PSEN1: variants seen among roughly 807,000 people sequenced by gnomAD.
The protein encoded by PSEN1 is presenilin-1.
PSEN1 carries 15 observed loss-of-function variants against 53.5 expected under a neutral mutation model. The ratio of observed to expected loss-of-function variants is 0.28; its 90% CI spans 0.19 to 0.43. The LOEUF is 0.43. PSEN1 is among the 20% of genes least tolerant of loss of function. The probability of loss-of-function intolerance (pLI) is 1.00; values close to 1 mark genes in which losing one functional copy is unlikely to be tolerated. For missense variants in PSEN1, 387 were observed against 571.2 expected, an observed-to-expected ratio of 0.68 and a Z score of 3.29; for synonymous variants, 208 against 209.8, an observed-to-expected ratio of 0.99 and a Z score of 0.08.
At chr14:73,157,199 C>T (rs1364802658) in intron 3 of PSEN1, among the ~76,000 whole-genome samples, 2 of 151,454 alleles carry the variant, frequency 1.3e-5, no homozygotes, top group Non-Finnish European at 2.9e-5. Flanking sequence ...GATCTTGGCT[C>T]ACTGCAACGT....
At chr14:73,198,463 C>T (rs1466740742) in intron 8 of PSEN1, among the ~76,000 whole-genome samples, 2 of 152,144 alleles carry the variant, frequency 1.3e-5, no homozygotes, top group Non-Finnish European at 2.9e-5. Flanking sequence ...TATTCGGTGA[C>T]CACTGGGGAA....
rs1882664997 is a variant in PSEN1, at chr14:73,222,939, CA to C, written c.*3651del. The C allele has an allele frequency of 6.6e-6, 1 of 152,222 alleles. No individual in the cohort carries two copies. The highest frequency in any genetic ancestry group is 1.5e-5 in the Non-Finnish European group (1 of 68,036). The allele number at this position is 152,222 out of a possible 1,614,324, so 9.4% of individuals were successfully genotyped here. On this transcript the variant is annotated 3_prime_UTR_variant, in exon 12 of 12. Coordinates refer to ENST00000324501, the MANE Select transcript of PSEN1 (RefSeq NM_000021.4). The stretch of plus-strand genomic sequence containing the variant: ...TTTGGAAGGAGACGTGAAAATTGGA[CA>C]TTTGGTTTTGCCCTTGGGCTGGAAA...
intron 5 of PSEN1, among the ~76,000 whole-genome samples, chr14:73,184,497 G>A (rs1898387284): frequency 8.2e-6 from 1 of 121,924 alleles, no homozygotes. Context: ...TCCCGGACGG[G>A]GCGGCTGGCC....
At chr14:73,211,634 A>T in intron 9 of PSEN1, 135 bp from the exon 10 acceptor site, 1 of 855,546 alleles carries the variant, frequency 1.2e-6, no homozygotes, top group Non-Finnish European at 1.9e-6. Flanking sequence ...ACCAGCAGGC[A>T]CTGCTACAGC....
intron 10 of PSEN1, among the ~76,000 whole-genome samples, chr14:73,213,581 A>G (rs1458764451): frequency 6.6e-6 from 1 of 152,218 alleles, no homozygotes. Context: ...ACTTGTGGGT[A>G]CTTACCAAAA....
intron 3 of PSEN1, among the ~76,000 whole-genome samples, chr14:73,165,705 A>G (rs1319776182): frequency 6.9e-6 from 1 of 144,272 alleles, no homozygotes; most frequent in Non-Finnish European, 1.5e-5. Context: ...CCGAGATCGC[A>G]CCATTGCACT....
chr14:73,186,873 T>G lies in PSEN1; in HGVS notation c.501T>G (p.Ile167Met). The G allele has an allele frequency of 6.2e-7, 1 of 1,613,460 alleles. No homozygotes were observed. The highest frequency in any genetic ancestry group is 2.2e-5 in the East Asian group (1 of 44,876). ...RCYKVIHAWL[I>M]ISSLLLLFFF... ...TCTAGGTCATCCATGCCTGGCTTATTATATCATCTCTATTGTTGCTGTTCT... is the reference window on the plus strand; with the variant it reads ...TCTAGGTCATCCATGCCTGGCTTATGATATCATCTCTATTGTTGCTGTTCT... Residue 167 changes from isoleucine (I) to methionine (M), a missense_variant, in exon 6 of 12, where the codon ATT becomes ATG. Physicochemically the swap from Ile to Met is conservative, Grantham distance 10 (BLOSUM62 1). This residue lies in a region of PSEN1 where 169 missense variants were observed against 299.7 expected (regional missense o/e 0.56). Transcript: ENST00000324501.
At position 73,184,665 on chromosome 14, in the gene PSEN1, C is replaced by CCGGACGGAGCG. The variant is rs1273514159; in HGVS notation, c.481-2187_481-2177dup. ...GGGGGCTGACCCCCCCACCTCCCTC[C>CCGGACGGAGCG]CGGACGGAGCGGCTGGCGGGGCGGG... On this transcript the variant is annotated intron_variant, in intron 5 of 11. Coordinates refer to ENST00000324501, the MANE Select transcript of PSEN1 (RefSeq NM_000021.4). Among the ~76,000 whole-genome samples, 4 of 149,270 alleles carry CCGGACGGAGCG rather than the reference C, an allele frequency of 2.7e-5. No homozygotes were observed. The East Asian group carries it at 8.3e-4, about 31-fold the overall frequency.
intron 3 of PSEN1, among the ~76,000 whole-genome samples, chr14:73,159,432 C>T (rs1384446758): frequency 6.6e-6 from 1 of 151,996 alleles, no homozygotes; most frequent in East Asian, 1.9e-4. Context: ...GAGTTTTTTC[C>T]TGCATTTTCT....
At chr14:73,193,944 A>T (rs1008732262) in intron 7 of PSEN1, among the ~76,000 whole-genome samples, 1 of 152,176 alleles carries the variant, frequency 6.6e-6, no homozygotes, top group Non-Finnish European at 1.5e-5. Context: ...GGTGTGAGCC[A>T]CTGCATCTGG....
chr14:73,161,892 C>T (rs561642378), intron 3 of PSEN1, among the ~76,000 whole-genome samples: 4 of 151,388 alleles, frequency 2.6e-5, no homozygotes, highest in African/African-American at 9.7e-5. Flanking sequence ...CAGTGGCTCA[C>T]GCCTGTAATC....
At chr14:73,154,454 A>G (rs185909059) in intron 3 of PSEN1, among the ~76,000 whole-genome samples, 2 of 150,786 alleles carry the variant, frequency 1.3e-5, no homozygotes, top group South Asian at 4.2e-4. Flanking sequence ...AGTGAAAATT[A>G]GTGGGGTGTG....
Position 73,189,036 on chromosome 14 carries a change from C to G in PSEN1, c.548+2116C>G, listed in dbSNP as rs76804037. ...AAACTCTTGACCTCAGGTGATCCACCTGCCTCCGCCTCCCAAAATGCTGGG... is the reference window on the plus strand; with the variant it reads ...AAACTCTTGACCTCAGGTGATCCACGTGCCTCCGCCTCCCAAAATGCTGGG... On this transcript the variant is annotated intron_variant, in intron 6 of 11. Coordinates refer to ENST00000324501, the MANE Select transcript of PSEN1 (RefSeq NM_000021.4). Among the ~76,000 whole-genome samples, 1,264 of 152,200 alleles carry G rather than the reference C, an allele frequency of 8.3e-3. 20 individuals carry two copies. The highest frequency in any genetic ancestry group is 0.029 in the African/African-American group (1,208 of 41,528).
chr14:73,202,418 C>CTATATATATATATATA (rs1248311168), intron 8 of PSEN1, among the ~76,000 whole-genome samples: 2 of 27,206 alleles, frequency 7.4e-5, no homozygotes, highest in Non-Finnish European at 5.9e-5. Context: ...CTATCACATA[C>CTATATATATATATATA]TATATATATA....
chr14:73,163,698 C>G (rs533269170), intron 3 of PSEN1, among the ~76,000 whole-genome samples: 38 of 152,192 alleles, frequency 2.5e-4, no homozygotes, highest in Admixed American at 7.2e-4. Flanking sequence ...AACTGAGTGA[C>G]AAGGAACAGT....
At chr14:73,148,533 G>T (rs1451166746) in intron 3 of PSEN1, among the ~76,000 whole-genome samples, 1 of 152,192 alleles carries the variant, frequency 6.6e-6, no homozygotes, top group Non-Finnish European at 1.5e-5. Flanking sequence ...TCAAAGGAGG[G>T]ATTCAGGAAA....
chr14:73,142,173 A>G (rs889389069), intron 1 of PSEN1, among the ~76,000 whole-genome samples: 127 of 152,244 alleles, frequency 8.3e-4, no homozygotes, highest in Non-Finnish European at 1.2e-4. Context: ...TGATCCTTTA[A>G]AAACTCAAGT....
At chr14:73,212,268 G>A (rs1447104274) in intron 10 of PSEN1, among the ~76,000 whole-genome samples, 5 of 151,378 alleles carry the variant, frequency 3.3e-5, no homozygotes, top group Non-Finnish European at 5.9e-5. Flanking sequence ...GCGCCACCAC[G>A]CCTGGATAAT....
At chr14:73,203,429 C>G (rs946533810) in intron 8 of PSEN1, among the ~76,000 whole-genome samples, 1 of 152,108 alleles carries the variant, frequency 6.6e-6, no homozygotes, top group Non-Finnish European at 1.5e-5. Flanking sequence ...TTTTTTCTTA[C>G]ATTTTTCTTA....
Sources: allele counts gnomAD v4.1 joint callset (sites outside exome capture counted in the v4.1 genomes callset), GRCh38; gene constraint gnomAD v4.1.1; regional missense constraint gnomAD v4.1.1; transcripts MANE v1.5; gene names NCBI Gene and HGNC (gene_info 2026-07-23, HGNC 2026-07-21).